The following ADCY2 variants were observed in gnomAD, a reference collection of about 807,000 sequenced individuals.
ADCY2 encodes adenylate cyclase type 2.
ADCY2 carries 31 observed loss-of-function variants against 125.2 expected under a neutral mutation model. That is an observed-to-expected ratio of 0.25 (90% CI 0.19 to 0.33). The LOEUF is 0.33. Among genes scored for constraint, ADCY2 ranks in the 10% least tolerant of loss-of-function variants. The pLI, the probability that ADCY2 is intolerant of heterozygous loss-of-function variation, is 1.00. For missense variants in ADCY2, 904 were observed against 1,418.2 expected (o/e 0.64, Z 5.82); for synonymous variants, 512 against 548.4 (o/e 0.93, Z 0.93).
intron 2 of ADCY2, among the ~76,000 whole-genome samples, chr5:7,431,924 T>A (rs764242697): frequency 6.6e-6 from 1 of 152,132 alleles, no homozygotes; most frequent in African/African-American, 2.4e-5. Context: ...TGGCCCAAAG[T>A]GAGAACATAC....
chr5:7,795,082 G>A (rs546904295), intron 20 of ADCY2: 1 of 152,236 alleles, frequency 6.6e-6, no homozygotes, highest in South Asian at 2.1e-4. Context: ...AGCTATTACT[G>A]GTCCCCACAC....
chr5:7,751,582 T>C lies in ADCY2; in HGVS notation c.1957-5867T>C, dbSNP rs1334037239. On this transcript the variant is annotated intron_variant, in intron 15 of 24. Transcript: ENST00000338316. The stretch of plus-strand genomic sequence containing the variant: ...TCTTATTATGAATCAGGTAATGTGA[T>C]TTCAAACCCAACACTTTAGGGTTTG... 5.3e-5 allele frequency among the ~76,000 whole-genome samples: 8 copies of C among 152,174 alleles called. No individual in the cohort carries two copies. In the East Asian group the frequency reaches 1.5e-3, roughly 29 times the overall value.
chr5:7,774,789 A>T (rs1743668698), intron 18 of ADCY2, among the ~76,000 whole-genome samples: 1 of 152,182 alleles, frequency 6.6e-6, no homozygotes, highest in Non-Finnish European at 1.5e-5. Flanking sequence ...CTTCACTTCC[A>T]TCAGTAAAGC....
intron 4 of ADCY2, among the ~76,000 whole-genome samples, chr5:7,674,634 T>C (rs1740055356): frequency 7.3e-6 from 1 of 137,450 alleles, no homozygotes; most frequent in South Asian, 2.2e-4. Context: ...ATATAGCTGT[T>C]AGCCCCACTT....
intron 3 of ADCY2, among the ~76,000 whole-genome samples, chr5:7,611,583 T>G (rs2126644259): frequency 6.6e-6 from 1 of 152,336 alleles, no homozygotes; most frequent in African/African-American, 2.4e-5. Flanking sequence ...TGGATTTCTA[T>G]TTTATTTCTG....
chr5:7,624,586 A>G (rs1467077633), intron 3 of ADCY2, among the ~76,000 whole-genome samples: 1 of 152,210 alleles, frequency 6.6e-6, no homozygotes, highest in African/African-American at 2.4e-5. Context: ...AGTTAGACCA[A>G]TTTCTCCTGC....
chr5:7,623,246 G>A (rs1239693597), intron 3 of ADCY2, among the ~76,000 whole-genome samples: 1 of 152,146 alleles, frequency 6.6e-6, no homozygotes, highest in Non-Finnish European at 1.5e-5. Flanking sequence ...TTTCTGAGGA[G>A]GAAGAGAAAA....
intron 2 of ADCY2, among the ~76,000 whole-genome samples, chr5:7,493,918 A>C (rs1743255927): frequency 6.6e-6 from 1 of 152,074 alleles, no homozygotes; most frequent in Admixed American, 6.5e-5. Context: ...TCAGGTCCAT[A>C]AACCCAGCAG....
chr5:7,699,081 A>AT (rs561359357), intron 7 of ADCY2, among the ~76,000 whole-genome samples: 1,404 of 37,826 alleles, frequency 0.037, 430 homozygotes, highest in South Asian at 0.043. Context: ...AACAGTAAGC[A>AT]TTTTTTTTTT....
At chr5:7,524,692 G>A (rs552842271) in intron 3 of ADCY2, among the ~76,000 whole-genome samples, 13 of 152,194 alleles carry the variant, frequency 8.5e-5, no homozygotes, top group Middle Eastern at 3.4e-3. Flanking sequence ...AATAGATTCC[G>A]GTTCTGCATC....
chr5:7,791,845 A>T (rs1269071703), intron 20 of ADCY2, among the ~76,000 whole-genome samples: 5 of 152,042 alleles, frequency 3.3e-5, no homozygotes, highest in South Asian at 2.1e-4. Context: ...ATCTCCAAGG[A>T]CACTGGGATG....
At chr5:7,683,127 C>T (rs530167139) in intron 4 of ADCY2, among the ~76,000 whole-genome samples, 2 of 152,284 alleles carry the variant, frequency 1.3e-5, no homozygotes, top group East Asian at 3.9e-4. Flanking sequence ...GTCATGAGGT[C>T]CCTGCCCTGA....
In ADCY2 at chr5:7,709,458, A is replaced by G; in HGVS notation, c.1578+71A>G. ...AACTTCCCAAAACCAAAGGCTGGGC[A>G]TCTCCTGCCAAAATAACTCCTTTCT... On this transcript the variant is annotated intron_variant, in intron 10 of 24. Transcript: ENST00000338316. The surrounding 1 kb of genome is among the most constrained non-coding windows in gnomAD (Gnocchi z 4.4). 6.9e-7 allele frequency: 1 copy of G among 1,450,374 alleles called. No homozygotes were observed. Among genetic ancestry groups the G allele is most frequent in the Non-Finnish European group, 9.1e-7 (1 of 1,097,856 alleles). The allele number at this position is 1,450,374 out of a possible 1,614,324, so 89.8% of individuals were successfully genotyped here.
Position 7,659,931 on chromosome 5 carries a change from G to C in ADCY2, c.721-30760G>C, listed in dbSNP as rs538960730. ...ATAAAAGATGGAGCTACTTATGTAA[G>C]TGTGAACACCAAGTACAATATATTC... is the stretch of plus-strand genomic sequence containing the variant. On this transcript the variant is annotated intron_variant, in intron 4 of 24. Transcript: ENST00000338316. 9.2e-5 allele frequency among the ~76,000 whole-genome samples: 14 copies of C among 152,298 alleles called. No individual in the cohort carries two copies. In the South Asian group the frequency reaches 2.7e-3, roughly 29 times the overall value.
rs770308651 is a variant in ADCY2 at position 7,793,410 on chromosome 5, C to G, written c.2628+3610C>G. On this transcript the variant is annotated intron_variant, in intron 20 of 24. Coordinates refer to ENST00000338316, the MANE Select transcript of ADCY2 (RefSeq NM_020546.3). ...AAATTGCAGCGAGCCGAGATCGTGC[C>G]TTTGCACTCCAGCATGGGCAACAGT... Among the ~76,000 whole-genome samples, 54 of 152,312 alleles carry G rather than the reference C, an allele frequency of 3.5e-4. 1 individual carries two copies. The highest frequency in any genetic ancestry group is 3.4e-3 in the Middle Eastern group (1 of 294).
intron 2 of ADCY2, among the ~76,000 whole-genome samples, chr5:7,419,599 G>A (rs1363852060): frequency 6.6e-6 from 1 of 152,144 alleles, no homozygotes; most frequent in Non-Finnish European, 1.5e-5. Context: ...TCTGGAGGTA[G>A]CACTGACATC....
At chr5:7,767,452 A>G (rs1743418741) in intron 17 of ADCY2, among the ~76,000 whole-genome samples, 1 of 152,172 alleles carries the variant, frequency 6.6e-6, no homozygotes, top group Non-Finnish European at 1.5e-5. Context: ...GCACTTTCCA[A>G]ATAATTATCT....
At chr5:7,788,505 C>A (rs1255097410) in intron 19 of ADCY2, among the ~76,000 whole-genome samples, 2 of 152,150 alleles carry the variant, frequency 1.3e-5, no homozygotes, top group Non-Finnish European at 2.9e-5. Flanking sequence ...TTTAAAATAT[C>A]TTTTTTGCAG....
intron 4 of ADCY2, among the ~76,000 whole-genome samples, chr5:7,635,557 C>A (rs1489760468): frequency 6.6e-6 from 1 of 152,054 alleles, no homozygotes; most frequent in East Asian, 1.9e-4. Flanking sequence ...CAGTAGAAAT[C>A]CAGATTTGAG....
Sources: allele counts gnomAD v4.1 joint callset (sites outside exome capture counted in the v4.1 genomes callset), GRCh38; gene constraint gnomAD v4.1.1; non-coding constraint Gnocchi (gnomAD v3.1); transcripts MANE v1.5; gene names NCBI Gene and HGNC (gene_info 2026-07-23, HGNC 2026-07-21).